Variants in CSMD1 observed in about 807,000 individuals in gnomAD.
The protein encoded by CSMD1 is CUB and Sushi multiple domains 1, also known as CUB and sushi domain-containing protein 1.
In CSMD1, 213 loss-of-function variants were observed where a neutral mutation model predicts 417.5. The observed-to-expected ratio is 0.51, with a 90% CI of 0.46 to 0.57. The LOEUF is 0.57. Among genes scored for constraint, CSMD1 ranks in the 20% least tolerant of loss-of-function variants. The probability of loss-of-function intolerance (pLI) is 0.00; values close to 1 mark genes in which losing one functional copy is unlikely to be tolerated. For synonymous variants in CSMD1, 2,862 were observed against 1,736.8 expected (o/e 1.65, Z -16.11); for missense variants, 6,923 against 4,529.7 (o/e 1.53, Z -15.17).
chr8:3,912,997 C>A (rs150448711), intron 5 of CSMD1, among the ~76,000 whole-genome samples: 43 of 152,152 alleles, frequency 2.8e-4, no homozygotes, highest in African/African-American at 8.9e-4. Flanking sequence ...GGAAAGCCTA[C>A]GCACTGGTGA....
chr8:4,384,152 G>A lies in CSMD1; in HGVS notation c.415+35801C>T, dbSNP rs548834467. Among the ~76,000 whole-genome samples, 60 of 152,158 alleles carry A rather than the reference G, an allele frequency of 3.9e-4. 1 individual carries two copies. Among genetic ancestry groups the A allele is most frequent in the African/African-American group, 1.4e-3 (58 of 41,510 alleles). ...TTATCATACTTGAGCCTCCTCCCTTGGGAATGCCAGGATTCTCTAAGAAAG... is the reference window on the plus strand; with the variant it reads ...TTATCATACTTGAGCCTCCTCCCTTAGGAATGCCAGGATTCTCTAAGAAAG... On this transcript the variant is annotated intron_variant, in intron 3 of 69. Transcript: ENST00000635120.
chr8:4,182,403 G>C (rs540979942), intron 3 of CSMD1, among the ~76,000 whole-genome samples: 2 of 152,090 alleles, frequency 1.3e-5, no homozygotes, highest in East Asian at 1.9e-4. Flanking sequence ...AGAGAGATCA[G>C]TAAATGCTGA....
At chr8:4,750,870 CT>C (rs1393710721) in intron 1 of CSMD1, among the ~76,000 whole-genome samples, 3 of 152,220 alleles carry the variant, frequency 2.0e-5, no homozygotes, top group African/African-American at 7.2e-5. Flanking sequence ...AGTGAAGGGA[CT>C]GTGAACACCC....
At chr8:4,925,160 G>A (rs868444762) in intron 1 of CSMD1, among the ~76,000 whole-genome samples, 22 of 146,462 alleles carry the variant, frequency 1.5e-4, no homozygotes, top group Middle Eastern at 3.7e-3. Flanking sequence ...CACAAGGAAG[G>A]ACAACATCAC....
chr8:4,090,881 G>C (rs980231915), intron 3 of CSMD1, among the ~76,000 whole-genome samples: 2 of 151,596 alleles, frequency 1.3e-5, no homozygotes, highest in Non-Finnish European at 2.9e-5. Flanking sequence ...AATGGATGCT[G>C]TCTACATTAT....
intron 5 of CSMD1, among the ~76,000 whole-genome samples, chr8:3,879,763 G>A (rs1432758097): frequency 6.6e-6 from 1 of 152,092 alleles, no homozygotes; most frequent in Admixed American, 6.6e-5. Context: ...GTTTTTCTAT[G>A]AACTAACATT....
intron 10 of CSMD1, among the ~76,000 whole-genome samples, chr8:3,523,830 C>T (rs1288060569): frequency 6.8e-6 from 1 of 146,902 alleles, no homozygotes; most frequent in Non-Finnish European, 1.5e-5. Context: ...CATATGCATG[C>T]ACACCCAGAG....
At chr8:4,029,651 C>T (rs990710740) in intron 4 of CSMD1, among the ~76,000 whole-genome samples, 1 of 152,104 alleles carries the variant, frequency 6.6e-6, no homozygotes, top group African/African-American at 2.4e-5. Context: ...TATCATTTCG[C>T]TCCTGGACCC....
chr8:3,048,636 G>T (rs948078963), intron 50 of CSMD1, among the ~76,000 whole-genome samples: 1 of 152,114 alleles, frequency 6.6e-6, no homozygotes, highest in African/African-American at 2.4e-5. Flanking sequence ...ACTCCTAGAA[G>T]ATAACATAGG....
At chr8:3,648,884 A>C (rs1322236430) in intron 7 of CSMD1, among the ~76,000 whole-genome samples, 1 of 152,190 alleles carries the variant, frequency 6.6e-6, no homozygotes, top group Non-Finnish European at 1.5e-5. Context: ...AGTTTCTGGT[A>C]GCTAGTGTTT....
chr8:4,044,157 G>A (rs187042215), intron 3 of CSMD1, among the ~76,000 whole-genome samples: 7 of 152,274 alleles, frequency 4.6e-5, no homozygotes, highest in African/African-American at 1.2e-4. Context: ...GAAAGAAGAT[G>A]AGAGTTGGGG....
intron 1 of CSMD1, among the ~76,000 whole-genome samples, chr8:4,939,349 A>G (rs1477077522): frequency 1.3e-5 from 2 of 152,210 alleles, no homozygotes; most frequent in Non-Finnish European, 1.5e-5. Flanking sequence ...CTGCAAGCTC[A>G]TGTCTCTAGC....
At chr8:3,535,083 G>T (rs1320378384) in intron 10 of CSMD1, among the ~76,000 whole-genome samples, 3 of 152,166 alleles carry the variant, frequency 2.0e-5, no homozygotes, top group Non-Finnish European at 2.9e-5. Flanking sequence ...GAGTAGTTGG[G>T]ACTACAGGGT....
intron 3 of CSMD1, among the ~76,000 whole-genome samples, chr8:4,419,242 T>G (rs183993287): frequency 3.0e-3 from 450 of 152,282 alleles, no homozygotes; most frequent in African/African-American, 0.01. Context: ...TTGTATTACG[T>G]GTAAAAGGCA....
intron 2 of CSMD1, among the ~76,000 whole-genome samples, chr8:4,442,627 G>C (rs1433261213): frequency 1.3e-5 from 2 of 152,136 alleles, no homozygotes; most frequent in African/African-American, 4.8e-5. Flanking sequence ...AAGCCCTCTG[G>C]ATTGCTGGGG....
intron 5 of CSMD1, among the ~76,000 whole-genome samples, chr8:3,879,875 G>C (rs943905208): frequency 2.6e-5 from 4 of 151,934 alleles, no homozygotes; most frequent in Non-Finnish European, 4.4e-5. Flanking sequence ...TCTTCTTCTG[G>C]TGTGGATGTT....
chr8:4,971,706 T>C (rs558114127), intron 1 of CSMD1, among the ~76,000 whole-genome samples: 3 of 148,128 alleles, frequency 2.0e-5, no homozygotes, highest in East Asian at 2.0e-4. Flanking sequence ...TATATATATA[T>C]AATTTGCTTC....
At chr8:3,090,105 G>C (rs1308440900) in intron 48 of CSMD1, among the ~76,000 whole-genome samples, 1 of 151,950 alleles carries the variant, frequency 6.6e-6, no homozygotes, top group Non-Finnish European at 1.5e-5. Flanking sequence ...ACAAGGTCAG[G>C]AGATCGTGAC....
chr8:3,950,202 C>A (rs147246367), intron 5 of CSMD1, among the ~76,000 whole-genome samples: 3 of 152,176 alleles, frequency 2.0e-5, no homozygotes, highest in Non-Finnish European at 2.9e-5. Context: ...CGATCCAATA[C>A]TGACTGTGAA....
Sources: allele counts gnomAD v4.1 joint callset (sites outside exome capture counted in the v4.1 genomes callset), GRCh38; gene constraint gnomAD v4.1.1; transcripts MANE v1.5; gene names NCBI Gene and HGNC (gene_info 2026-07-23, HGNC 2026-07-21).